Variants in CA10 observed in about 807,000 individuals in gnomAD.
CA10 encodes the protein carbonic anhydrase-related protein 10.
Under a neutral mutation model 44.2 loss-of-function variants are expected in CA10, and 14 were observed. The ratio of observed to expected loss-of-function variants is 0.32; its 90% CI spans 0.21 to 0.50. The LOEUF is 0.50. CA10 is among the 20% of genes least tolerant of loss of function. The pLI is 0.99. For synonymous variants in CA10, 159 were observed against 141.6 expected (o/e 1.12, Z -0.87); for missense variants, 350 against 409.7 (o/e 0.85, Z 1.26).
chr17:51,702,540 G>A (rs1915636518), intron 4 of CA10, among the ~76,000 whole-genome samples: 1 of 152,182 alleles, frequency 6.6e-6, no homozygotes, highest in African/African-American at 2.4e-5. Context: ...TTTCATGAAG[G>A]CAGAGGAGGT....
chr17:51,697,523 C>G (rs1915442877), intron 4 of CA10, among the ~76,000 whole-genome samples: 1 of 152,214 alleles, frequency 6.6e-6, no homozygotes, highest in South Asian at 2.1e-4. Flanking sequence ...CTGTATCCTC[C>G]TCCTGCCACT....
At position 51,987,643 on chromosome 17, in the gene CA10, A is replaced by T. The variant is rs181002587; in HGVS notation, c.137-56511T>A. Among the ~76,000 whole-genome samples the T allele has an allele frequency of 4.5e-3, 684 of 152,196 alleles. 2 individuals are homozygous for T. Among genetic ancestry groups the T allele is most frequent in the South Asian group, 0.013 (64 of 4,828 alleles). On this transcript the variant is annotated intron_variant, in intron 2 of 8. Coordinates refer to ENST00000451037, the MANE Select transcript of CA10 (RefSeq NM_020178.5). ...ATTCTATGTGCCAGATAAAAGCAGA[A>T]AATAAAAAAAAGACAGAAAAACTGC...
At chr17:51,724,295 T>G (rs2143539798) in intron 4 of CA10, among the ~76,000 whole-genome samples, 1 of 152,360 alleles carries the variant, frequency 6.6e-6, no homozygotes, top group Middle Eastern at 3.4e-3. Context: ...TGAGGCTATT[T>G]GGTTCTGCCT....
chr17:51,710,664 C>A (rs1393618248), intron 4 of CA10, among the ~76,000 whole-genome samples: 1 of 152,008 alleles, frequency 6.6e-6, no homozygotes, highest in Non-Finnish European at 1.5e-5. Context: ...TGGTAAGGGT[C>A]CCTGCAAAAC....
chr17:51,646,918 C>T (rs759715350), intron 6 of CA10, among the ~76,000 whole-genome samples: 3 of 152,188 alleles, frequency 2.0e-5, no homozygotes, highest in Non-Finnish European at 4.4e-5. Context: ...TTACTCCCTG[C>T]TGAATTATAG....
chr17:51,930,419 G>C (rs1425066046), intron 3 of CA10, among the ~76,000 whole-genome samples: 1 of 152,114 alleles, frequency 6.6e-6, no homozygotes, highest in Admixed American at 6.6e-5. Context: ...GCTCGTTATG[G>C]GGGGAGGAGA....
intron 7 of CA10, among the ~76,000 whole-genome samples, chr17:51,635,500 C>T (rs1311894110): frequency 6.6e-6 from 1 of 150,474 alleles, no homozygotes; most frequent in Non-Finnish European, 1.5e-5. Flanking sequence ...GTGACAAGAG[C>T]GAGACTCCAT....
At chr17:51,754,271 T>C (rs1361514705) in intron 3 of CA10, among the ~76,000 whole-genome samples, 3 of 147,830 alleles carry the variant, frequency 2.0e-5, no homozygotes, top group African/African-American at 7.7e-5. Flanking sequence ...CAGGGTTCTC[T>C]AGAGAAACAG....
intron 3 of CA10, among the ~76,000 whole-genome samples, chr17:51,808,491 C>G (rs1349492107): frequency 6.6e-6 from 1 of 152,196 alleles, no homozygotes; most frequent in Admixed American, 6.5e-5. Context: ...ATCTGCATCT[C>G]TGTTTCTTGA....
chr17:51,714,476 C>T (rs774031937), intron 4 of CA10, among the ~76,000 whole-genome samples: 8 of 152,114 alleles, frequency 5.3e-5, no homozygotes, highest in South Asian at 2.1e-4. Context: ...TTTCCTTCCT[C>T]CCTCTGGAGC....
At chr17:51,829,855 A>G (rs1350055269) in intron 3 of CA10, among the ~76,000 whole-genome samples, 1 of 152,158 alleles carries the variant, frequency 6.6e-6, no homozygotes, top group Non-Finnish European at 1.5e-5. Context: ...TTTGTTATGA[A>G]GTTTAGAAGT....
chr17:52,089,597 GT>G (rs1001240831), intron 1 of CA10, among the ~76,000 whole-genome samples: 225 of 146,494 alleles, frequency 1.5e-3, no homozygotes, highest in African/African-American at 3.9e-3. Context: ...TATTTATACT[GT>G]TTTTTTTTTC....
At chr17:51,873,752 CT>C (rs1979923793) in intron 3 of CA10, among the ~76,000 whole-genome samples, 1 of 152,180 alleles carries the variant, frequency 6.6e-6, no homozygotes, top group Admixed American at 6.5e-5. Flanking sequence ...AGAAGCAGCT[CT>C]CCTGGTTTCC....
At chr17:52,139,573 T>C (rs1457293087) in intron 1 of CA10, among the ~76,000 whole-genome samples, 2 of 151,982 alleles carry the variant, frequency 1.3e-5, no homozygotes, top group Non-Finnish European at 2.9e-5. Context: ...TGACTTGAAC[T>C]AGTTACTTAA....
intron 3 of CA10, among the ~76,000 whole-genome samples, chr17:51,809,092 TAA>T (rs1039757291): frequency 8.3e-5 from 10 of 120,026 alleles, no homozygotes; most frequent in African/African-American, 3.0e-4. Flanking sequence ...GAGACCTAAA[TAA>T]AAAAAAAAAA....
At chr17:51,863,969 A>C (rs752423020) in intron 3 of CA10, among the ~76,000 whole-genome samples, 7 of 152,166 alleles carry the variant, frequency 4.6e-5, no homozygotes, top group Non-Finnish European at 8.8e-5. Flanking sequence ...TTCACTGGCC[A>C]TCAATAACCA....
chr17:51,810,607 C>T (rs932420558), intron 3 of CA10, among the ~76,000 whole-genome samples: 2 of 152,116 alleles, frequency 1.3e-5, no homozygotes, highest in Non-Finnish European at 2.9e-5. Context: ...CAAGAAGAAG[C>T]CCCGGAAGCT....
At chr17:51,779,288 T>G (rs1025968653) in intron 3 of CA10, among the ~76,000 whole-genome samples, 3 of 152,154 alleles carry the variant, frequency 2.0e-5, no homozygotes, top group African/African-American at 7.2e-5. Flanking sequence ...GGCCACAAGT[T>G]ATCAGGTTGC....
At chr17:51,855,314 A>G (rs1188324194) in intron 3 of CA10, among the ~76,000 whole-genome samples, 1 of 152,178 alleles carries the variant, frequency 6.6e-6, no homozygotes, top group Non-Finnish European at 1.5e-5. Context: ...GCACTTTGTA[A>G]AATGTGAACT....
Sources: allele counts gnomAD v4.1 joint callset (sites outside exome capture counted in the v4.1 genomes callset), GRCh38; gene constraint gnomAD v4.1.1; transcripts MANE v1.5; gene names NCBI Gene and HGNC (gene_info 2026-07-23, HGNC 2026-07-21).